CARS1: variants seen among roughly 807,000 people sequenced by gnomAD.
CARS1 encodes cysteine--tRNA ligase, cytoplasmic.
Under a neutral mutation model 106.2 loss-of-function variants are expected in CARS1, and 48 were observed. The observed-to-expected ratio is 0.45, with a 90% CI of 0.36 to 0.57. The LOEUF (loss-of-function observed/expected upper bound fraction) is 0.57. Among genes scored for constraint, CARS1 ranks in the 20% least tolerant of loss-of-function variants. The pLI is 0.00. For missense variants in CARS1, 968 were observed against 1,057.2 expected, an observed-to-expected ratio of 0.92 and a Z score of 1.17; for synonymous variants, 409 against 403.4, an observed-to-expected ratio of 1.01 and a Z score of -0.17.
Position 3,057,423 on chromosome 11 carries a change from C to G in CARS1, c.-56G>C. On this transcript the variant is annotated 5_prime_UTR_variant, in exon 1 of 23. Coordinates refer to ENST00000380525, the MANE Select transcript of CARS1 (RefSeq NM_001014437.3). ...TACAGACACTTCCTAGAATCTGATG[C>G]AACCGCCGCCCCGGAAGTCGCGCCC... The G allele has an allele frequency of 6.5e-7, 1 of 1,548,406 alleles. No individual in the cohort carries two copies. Among genetic ancestry groups the G allele is most frequent in the Non-Finnish European group, 8.9e-7 (1 of 1,129,840 alleles).
chr11:3,001,303 A>C (rs1849381376), intron 22 of CARS1, 55 bp from the exon 23 acceptor site: 1 of 1,596,056 alleles, frequency 6.3e-7, no homozygotes, highest in South Asian at 1.1e-5. Context: ...GGTAACCCCA[A>C]CTCCCCTTTC....
chr11:3,005,548 C>T (rs1287554829), intron 19 of CARS1, 115 bp from the exon 20 acceptor site: 8 of 690,892 alleles, frequency 1.2e-5, no homozygotes, highest in East Asian at 5.5e-5. Flanking sequence ...CCAGTCAGAG[C>T]GAGGGCCCAC....
In CARS1 at chr11:3,042,221, G is replaced by C; in HGVS notation, c.310C>G (p.Pro104Ala). The change falls in exon 3 of 23, where the codon CCT (proline) becomes GCT (alanine). Residue 104 changes from proline (P) to alanine (A), a missense_variant. Pro to Ala is a conservative substitution (Grantham distance 27). Coordinates refer to ENST00000380525, the MANE Select transcript of CARS1 (RefSeq NM_001014437.3). ...AGTCTGCATGGCTGGGTCCCAGCAG[G>C]AGGGGACCACTGGGGCTGCACACGC... ...GRRVQPQWSP[P>A]AGTQPCRLHL... The C allele has an allele frequency of 6.2e-7, 1 of 1,613,576 alleles. No individual in the cohort carries two copies. Among genetic ancestry groups the C allele is most frequent in the Non-Finnish European group, 8.5e-7 (1 of 1,180,004 alleles).
chr11:3,054,118 G>A (rs6578319), intron 1 of CARS1, among the ~76,000 whole-genome samples: 140,909 of 152,076 alleles, frequency 0.93, 65,345 homozygotes, highest in African/African-American at 0.95. Context: ...AGCCAACACT[G>A]CCCACTCCCA....
rs533099170 is a variant in CARS1, at chr11:3,029,275, G to A, written c.942+28C>T. On this transcript the variant is annotated intron_variant, in intron 8 of 22. Transcript: ENST00000380525. The surrounding 1 kb of genome is among the most constrained non-coding windows in gnomAD (Gnocchi z 5.9). Reference sequence around the variant, plus strand: ...AAATCAGGGCCCTTAGCGCAAGAGAGCCAGCACAAGACAATCGTGACACTT... The same window carrying A: ...AAATCAGGGCCCTTAGCGCAAGAGAACCAGCACAAGACAATCGTGACACTT... 1.9e-6 allele frequency: 3 copies of A among 1,610,696 alleles called. No individual in the cohort carries two copies. The highest frequency in any genetic ancestry group is 1.1e-5 in the South Asian group (1 of 90,982).
chr11:3,046,662 A>G lies in CARS1; in HGVS notation c.274+1091T>C, dbSNP rs556081058. ...GGCATGTTCCCAATCCCAGGCCCCA[A>G]CGGAGTCTGGAGAAGCCCCCAGAAG... On this transcript the variant is annotated intron_variant, in intron 2 of 22. Transcript: ENST00000380525. This position sits in a 1 kb window ranked among gnomAD's most constrained non-coding sequence, Gnocchi z 5.8. Among the ~76,000 whole-genome samples, 93 of 152,284 alleles carry G rather than the reference A, an allele frequency of 6.1e-4. No individual in the cohort carries two copies. Among genetic ancestry groups the G allele is most frequent in the South Asian group, 1.2e-3 (6 of 4,828 alleles).
intron 18 of CARS1, 70 bp downstream of exon 18, chr11:3,012,125 G>C: frequency 7.3e-7 from 1 of 1,378,638 alleles, no homozygotes; most frequent in East Asian, 2.3e-5. Flanking sequence ...GTGCCTCGGG[G>C]GAGACGCCCG....
Position 3,017,740 on chromosome 11 carries a change from G to C in CARS1, c.1727+117C>G. On this transcript the variant is annotated intron_variant, in intron 15 of 22. Coordinates refer to ENST00000380525, the MANE Select transcript of CARS1 (RefSeq NM_001014437.3). This position sits in a 1 kb window ranked among gnomAD's most constrained non-coding sequence, Gnocchi z 4.9. The stretch of plus-strand genomic sequence containing the variant: ...CTATCCTGAATTAATTCTGCACAAC[G>C]TACGACAGTGTCCCCAGCCCTTCCT... 2.9e-6 allele frequency: 2 copies of C among 698,092 alleles called. No homozygotes were observed. The highest frequency in any genetic ancestry group is 2.5e-6 in the Non-Finnish European group (1 of 393,746). The allele number at this position is 698,092 out of a possible 1,614,324, so 43.2% of individuals were successfully genotyped here. A position where few individuals can be genotyped will look rare whatever the true frequency, so the allele number is the denominator to read the frequency against.
chr11:3,017,150 C>A lies in CARS1; in HGVS notation c.1873G>T (p.Ala625Ser). 1 of 1,614,146 alleles carries A rather than the reference C, an allele frequency of 6.2e-7. No individual in the cohort carries two copies. The highest frequency in any genetic ancestry group is 1.1e-5 in the South Asian group (1 of 91,086). Residue 625 changes from alanine (A) to serine (S), a missense_variant, in exon 16 of 23, where the codon GCT becomes TCT. Physicochemically the swap from Ala to Ser is moderately conservative, Grantham distance 99. Transcript: ENST00000380525. The surrounding 1 kb of genome is among the most constrained non-coding windows in gnomAD (Gnocchi z 4.9). ...RKAVRKRPNQ[A>S]LLENIALYLT... Reference sequence around the variant, plus strand: ...TACAGGGCGATGTTCTCCAGCAGAGCCTGGTTGGGCCTCTTCCTCACGGCT... The same window carrying A: ...TACAGGGCGATGTTCTCCAGCAGAGACTGGTTGGGCCTCTTCCTCACGGCT...
rs1042333341 is a variant in CARS1 at position 3,043,438 on chromosome 11, G to A, written c.275-1182C>T. 6.6e-6 allele frequency among the ~76,000 whole-genome samples: 1 copy of A among 151,916 alleles called. No homozygotes were observed. Among genetic ancestry groups the A allele is most frequent in the Non-Finnish European group, 1.5e-5 (1 of 67,992 alleles). ...TCCACAGTCGTCGCCCACAGGTCCA[G>A]GTTCTGCGTTATGCTCTGCTGGGCA... On this transcript the variant is annotated intron_variant, in intron 2 of 22. Transcript: ENST00000380525. The surrounding 1 kb of genome is among the most constrained non-coding windows in gnomAD (Gnocchi z 4.0).
At chr11:3,026,990 G>A (rs1457472092) in intron 9 of CARS1, 193 bp from the exon 10 acceptor site, 2 of 606,146 alleles carry the variant, frequency 3.3e-6, no homozygotes, top group East Asian at 3.2e-5. Flanking sequence ...CCGCTGCGGA[G>A]GCAGCCTGCC....
In CARS1 at chr11:3,002,949, G is replaced by A. The variant is rs147707931; in HGVS notation, c.2218-349C>T. 1.9e-4 allele frequency among the ~76,000 whole-genome samples: 29 copies of A among 152,344 alleles called. No homozygotes were observed. The East Asian group carries it at 4.8e-3, about 25-fold the overall frequency. ...AGCCTGGCCCAAGGAGAGAGGATCT[G>A]TAAGGCAATGACCAGGACAGCACTG... On this transcript the variant is annotated intron_variant, in intron 20 of 22. Transcript: ENST00000380525.
intron 7 of CARS1, among the ~76,000 whole-genome samples, chr11:3,035,657 TAA>T (rs953984021): frequency 6.6e-6 from 1 of 152,118 alleles, no homozygotes; most frequent in African/African-American, 2.4e-5. Flanking sequence ...GGCTAATTTT[TAA>T]AAGTTTTGTA....
In CARS1 at chr11:3,047,806, T is replaced by A. The variant is rs762007304; in HGVS notation, c.221A>T (p.Glu74Val). ...GCCACAGGGGCTACCCAGGAGCGCT[T>A]CTATGTGCCTGAACCACCGAGCCAC... Reference protein sequence around the residue: ...FHVARWFRHIEALLGSPCGKG... With the variant: ...FHVARWFRHIVALLGSPCGKG... The change falls in exon 2 of 23, where the codon GAA becomes GTA. Residue 74 changes from glutamate (E) to valine (V), a missense_variant. Glu to Val is a moderately radical substitution (Grantham distance 121, BLOSUM62 -2). Coordinates refer to ENST00000380525, the MANE Select transcript of CARS1 (RefSeq NM_001014437.3). The A allele has an allele frequency of 5.5e-5, 88 of 1,613,972 alleles. No individual in the cohort carries two copies. Among genetic ancestry groups the A allele is most frequent in the Middle Eastern group, 3.3e-4 (2 of 6,084 alleles).
rs756812692 is a variant in CARS1, at chr11:3,002,042, C to T, written c.2289G>A (p.Leu763=). The stretch of plus-strand genomic sequence containing the variant: ...CACTGGGGGGAATCTTCATCTTGGC[C>T]AGCTTTGCTGCCTAGAACACGCAAC... ...RRKQEQEAAK[L]AKMKIPPSEM... The change falls in exon 22 of 23, where the codon CTG becomes CTA. Residue 763 remains leucine (L), a synonymous_variant. Coordinates refer to ENST00000380525, the MANE Select transcript of CARS1 (RefSeq NM_001014437.3). 4.5e-5 allele frequency: 73 copies of T among 1,612,512 alleles called. No homozygotes were observed. Among genetic ancestry groups the T allele is most frequent in the Admixed American group, 2.5e-4 (15 of 59,992 alleles).
intron 3 of CARS1, 21 bp downstream of exon 3, chr11:3,042,144 C>T (rs576071887): frequency 1.8e-5 from 29 of 1,591,136 alleles, no homozygotes; most frequent in Middle Eastern, 1.7e-4. Context: ...GCGTGTGCCA[C>T]GGCATCTGTG....
chr11:3,055,433 G>A (rs1372566969), intron 1 of CARS1, among the ~76,000 whole-genome samples: 2 of 152,206 alleles, frequency 1.3e-5, no homozygotes, highest in South Asian at 2.1e-4. Flanking sequence ...GAGCCACTGC[G>A]CCTGGCCTAC....
At chr11:3,032,363 G>A (rs1274937548) in intron 7 of CARS1, among the ~76,000 whole-genome samples, 5 of 152,124 alleles carry the variant, frequency 3.3e-5, no homozygotes, top group Admixed American at 1.3e-4. Context: ...GAGCCACCGC[G>A]CCCGGCCAAT....
chr11:3,018,424 T>C lies in CARS1; in HGVS notation c.1613A>G (p.Tyr538Cys), dbSNP rs758364577. ...SSNTMESALQYEKFLNEFFLN... is the reference protein window; with the variant it reads ...SSNTMESALQCEKFLNEFFLN... ...GGGACTCACATTCAAGAACTTCTCA[T>C]ATTGAAGCGCTGACTCCATGGTGTT... Residue 538 changes from tyrosine (Y) to cysteine (C), a missense_variant, in exon 14 of 23, where the codon TAT (tyrosine) becomes TGT (cysteine). Tyr to Cys is a radical substitution (Grantham distance 194, BLOSUM62 -2). Coordinates refer to ENST00000380525, the MANE Select transcript of CARS1 (RefSeq NM_001014437.3). 1.5e-5 allele frequency: 25 copies of C among 1,613,174 alleles called. No homozygotes were observed. The highest frequency in any genetic ancestry group is 1.8e-5 in the Non-Finnish European group (21 of 1,179,130).
Sources: gnomAD v4.1 joint callset for allele counts (sites outside exome capture counted in the v4.1 genomes callset) on GRCh38, gnomAD v4.1.1 for gene constraint, Gnocchi (gnomAD v3.1) non-coding constraint, MANE v1.5 for transcripts, NCBI Gene and HGNC (gene_info 2026-07-23, HGNC 2026-07-21) for gene names.